Variants in MCTP2 observed in about 807,000 individuals in gnomAD.
MCTP2 encodes the protein multiple C2 and transmembrane domain containing 2, also known as multiple C2 and transmembrane domain-containing protein 2.
In MCTP2, 132 loss-of-function variants were observed where a neutral mutation model predicts 111.6. The ratio of observed to expected loss-of-function variants is 1.18; its 90% CI spans 1.03 to 1.37. The LOEUF is 1.37. Ranked by LOEUF, MCTP2 falls within the 40% of genes most tolerant of loss-of-function variation. The pLI, the probability that MCTP2 is intolerant of heterozygous loss-of-function variation, is 0.00. For synonymous variants in MCTP2, 395 were observed against 387.7 expected (o/e 1.02, Z -0.22); for missense variants, 1,183 against 1,067.9 (o/e 1.11, Z -1.50).
intron 17 of MCTP2, among the ~76,000 whole-genome samples, chr15:94,436,830 A>T (rs2083500833): frequency 6.6e-6 from 1 of 151,938 alleles, no homozygotes; most frequent in Admixed American, 6.6e-5. Context: ...GCATTTAGAA[A>T]CAACCACCAT....
chr15:94,476,645 TAGATAGACAGAC>T (rs1567798954), intron 21 of MCTP2, 39 bp from the exon 22 acceptor site: 4 of 842,642 alleles, frequency 4.7e-6, no homozygotes, highest in South Asian at 3.0e-5. Flanking sequence ...GATAGATAGA[TAGATAGACAGAC>T]AGACAGATAA....
At position 94,482,244 on chromosome 15, in the gene MCTP2, A is replaced by G. The variant is rs1229602891; in HGVS notation, c.*3210A>G. On this transcript the variant is annotated 3_prime_UTR_variant, in exon 23 of 23. Coordinates refer to ENST00000357742, the MANE Select transcript of MCTP2 (RefSeq NM_001385001.1). ...AAGTTTGAAAAATATTCTAGCTGCAATGGATAGCCTAGCAATTTTCAAAGT... is the reference window on the plus strand; with the variant it reads ...AAGTTTGAAAAATATTCTAGCTGCAGTGGATAGCCTAGCAATTTTCAAAGT... 6.6e-6 allele frequency: 1 copy of G among 152,238 alleles called. No individual in the cohort carries two copies. Among genetic ancestry groups the G allele is most frequent in the Non-Finnish European group, 1.5e-5 (1 of 68,040 alleles). 9.4% of individuals were successfully genotyped at this position (152,238 alleles called of 1,614,324 possible).
intron 14 of MCTP2, among the ~76,000 whole-genome samples, chr15:94,394,369 G>C (rs995966208): frequency 6.6e-6 from 1 of 152,112 alleles, no homozygotes; most frequent in African/African-American, 2.4e-5. Flanking sequence ...AGCACTTATA[G>C]TGTAAGCTGG....
At chr15:94,437,111 T>C (rs1298183719) in intron 17 of MCTP2, among the ~76,000 whole-genome samples, 7 of 148,450 alleles carry the variant, frequency 4.7e-5, no homozygotes, top group Non-Finnish European at 5.9e-5. Context: ...TTGATTTTTT[T>C]CATTGATCCA....
chr15:94,265,513 G>T (rs1421979378), intron 1 of MCTP2, among the ~76,000 whole-genome samples: 2 of 152,088 alleles, frequency 1.3e-5, no homozygotes, highest in African/African-American at 4.8e-5. Context: ...TATATACATA[G>T]TTCAGAGTTT....
chr15:94,365,493 G>A, intron 10 of MCTP2, among the ~76,000 whole-genome samples: 1 of 152,178 alleles, frequency 6.6e-6, no homozygotes. Context: ...CATCTGGTAT[G>A]TGGTTCAGCT....
chr15:94,326,401 T>C (rs2076873339), intron 4 of MCTP2, among the ~76,000 whole-genome samples: 1 of 152,138 alleles, frequency 6.6e-6, no homozygotes. Flanking sequence ...AAGTGAGTTA[T>C]TTATTCAGGT....
At chr15:94,459,911 C>T (rs1339990824) in intron 20 of MCTP2, among the ~76,000 whole-genome samples, 2 of 152,184 alleles carry the variant, frequency 1.3e-5, no homozygotes, top group African/African-American at 4.8e-5. Flanking sequence ...AATAGGATTA[C>T]ATCATTCAAA....
chr15:94,292,546 CA>C (rs1259859911), intron 1 of MCTP2, among the ~76,000 whole-genome samples: 1 of 152,020 alleles, frequency 6.6e-6, no homozygotes, highest in Non-Finnish European at 1.5e-5. Context: ...AAATACAAAT[CA>C]ACCTAATAAA....
chr15:94,238,953 C>T (rs1215944213), intron 1 of MCTP2, among the ~76,000 whole-genome samples: 4 of 150,336 alleles, frequency 2.7e-5, no homozygotes, highest in East Asian at 2.0e-4. Context: ...TGTGTGACCA[C>T]GCCCATGTTC....
intron 8 of MCTP2, among the ~76,000 whole-genome samples, chr15:94,351,957 A>G (rs2078328779): frequency 1.3e-5 from 2 of 152,188 alleles, no homozygotes; most frequent in African/African-American, 4.8e-5. Context: ...GGCCTCGGAC[A>G]GATAAGAGGC....
At chr15:94,343,050 A>C (rs962574572) in intron 7 of MCTP2, 1 of 126,022 alleles carries the variant, frequency 7.9e-6, no homozygotes, top group Non-Finnish European at 1.8e-5. Context: ...ATAAACATGT[A>C]TATATATAAC....
intron 17 of MCTP2, among the ~76,000 whole-genome samples, chr15:94,430,181 A>G (rs879643360): frequency 1.3e-5 from 2 of 152,140 alleles, no homozygotes; most frequent in Non-Finnish European, 2.9e-5. Flanking sequence ...ATATGAGTCA[A>G]ATCATGTTAT....
At chr15:94,475,533 C>T (rs914073005) in intron 21 of MCTP2, among the ~76,000 whole-genome samples, 8 of 152,154 alleles carry the variant, frequency 5.3e-5, no homozygotes, top group African/African-American at 1.9e-4. Context: ...TTAAATGTTA[C>T]CTTGACTTCT....
At chr15:94,444,332 G>A (rs919173995) in intron 19 of MCTP2, among the ~76,000 whole-genome samples, 6 of 152,290 alleles carry the variant, frequency 3.9e-5, no homozygotes, top group Non-Finnish European at 7.4e-5. Flanking sequence ...TTCCAGAAAC[G>A]GTATTTTTGT....
chr15:94,328,420 G>A (rs1322394683), intron 4 of MCTP2, among the ~76,000 whole-genome samples: 6 of 152,088 alleles, frequency 3.9e-5, no homozygotes, highest in Non-Finnish European at 7.3e-5. Context: ...GAGCCACCGC[G>A]CCCGGCCTAT....
chr15:94,439,783 TTTTCAATA>T (rs2152509434), intron 17 of MCTP2, among the ~76,000 whole-genome samples: 1 of 152,332 alleles, frequency 6.6e-6, no homozygotes, highest in South Asian at 2.1e-4. Context: ...ATATTTGGAT[TTTTCAATA>T]TTGGCAGCCA....
intron 2 of MCTP2, among the ~76,000 whole-genome samples, chr15:94,301,456 G>A (rs1029689027): frequency 3.9e-5 from 6 of 152,188 alleles, no homozygotes; most frequent in African/African-American, 1.4e-4. Flanking sequence ...TTATCACATG[G>A]TACAGAAGAG....
At chr15:94,459,390 T>C (rs77887540) in intron 20 of MCTP2, among the ~76,000 whole-genome samples, 6,778 of 152,260 alleles carry the variant, frequency 0.045, 482 homozygotes, top group African/African-American at 0.15. Context: ...TAAATACTAA[T>C]GTTTTCTCAG....
Sources: gnomAD v4.1 joint callset for allele counts (sites outside exome capture counted in the v4.1 genomes callset) on GRCh38, gnomAD v4.1.1 for gene constraint, MANE v1.5 for transcripts, NCBI Gene and HGNC (gene_info 2026-07-23, HGNC 2026-07-21) for gene names.